WDR19: variants seen among roughly 807,000 people sequenced by gnomAD.
The protein encoded by WDR19 is WD repeat-containing protein 19.
WDR19 carries 121 observed loss-of-function variants against 180.0 expected under a neutral mutation model. That is an observed-to-expected ratio of 0.67 (90% CI 0.58 to 0.78). The LOEUF is 0.78. WDR19 is among the 30% of genes least tolerant of loss of function. WDR19 has a pLI of 0.00. For synonymous variants in WDR19, 497 were observed against 540.7 expected (o/e 0.92, Z 1.12); for missense variants, 1,450 against 1,640.7 (o/e 0.88, Z 2.01).
Position 39,245,407 on chromosome 4 carries a change from C to G in WDR19, c.2684C>G (p.Pro895Arg), listed in dbSNP as rs774529884. 1.9e-6 allele frequency: 3 copies of G among 1,613,740 alleles called. No homozygotes were observed. In the South Asian group the frequency reaches 3.3e-5, roughly 18 times the overall value. Reference protein sequence around the residue: ...VGDLLPHVSSPKIHLQYAKAK... With the variant: ...VGDLLPHVSSRKIHLQYAKAK... ...GATCTTCTGCCCCACGTTTCTTCTC[C>G]TAAGATCCATTTGCAGTATGCCAAA... Residue 895 changes from proline to arginine, a missense_variant, in exon 24 of 37, where the codon CCT becomes CGT. Physicochemically the swap from Pro to Arg is moderately radical, Grantham distance 103. Coordinates refer to ENST00000399820, the MANE Select transcript of WDR19 (RefSeq NM_025132.4).
intron 25 of WDR19, among the ~76,000 whole-genome samples, 177 bp downstream of exon 25, chr4:39,253,469 A>C (rs1733449077): frequency 6.6e-6 from 1 of 152,160 alleles, no homozygotes; most frequent in Admixed American, 6.6e-5. Context: ...ATGTCTTTCA[A>C]GTGTAAGCAT....
At chr4:39,188,581 C>T (rs1486695435) in intron 3 of WDR19, among the ~76,000 whole-genome samples, 3 of 147,154 alleles carry the variant, frequency 2.0e-5, no homozygotes, top group Non-Finnish European at 4.5e-5. Context: ...ATCGCACCAC[C>T]GCACTCCAGC....
intron 2 of WDR19, among the ~76,000 whole-genome samples, chr4:39,186,305 C>T (rs1181944728): frequency 1.3e-5 from 2 of 151,704 alleles, no homozygotes; most frequent in African/African-American, 2.4e-5. Flanking sequence ...CATGGTGAAA[C>T]GCCATCTCTA....
chr4:39,276,911 A>G (rs1364743014), intron 33 of WDR19, 109 bp from the exon 34 acceptor site: 8 of 1,359,486 alleles, frequency 5.9e-6, no homozygotes, highest in Admixed American at 1.8e-5. Context: ...GAGTCTGACT[A>G]TGAAGTAGGT....
Position 39,218,063 on chromosome 4 carries a change from A to T in WDR19, c.1437A>T (p.Leu479Phe). 2 of 1,613,984 alleles carry T rather than the reference A, an allele frequency of 1.2e-6. No homozygotes were observed. Among genetic ancestry groups the T allele is most frequent in the South Asian group, 1.1e-5 (1 of 91,082 alleles). The change falls in exon 14 of 37, where the codon TTA (leucine) becomes TTT (phenylalanine). Residue 479 changes from leucine to phenylalanine, a missense_variant. Transcript: ENST00000399820. ...FPAVDDKCRILCHALTSDFLI... is the reference protein window; with the variant it reads ...FPAVDDKCRIFCHALTSDFLI... ...CAGTGGATGATAAGTGCCGTATCTTATGCCATGCCTTAACTAGTGATTTCC... is the reference window on the plus strand; with the variant it reads ...CAGTGGATGATAAGTGCCGTATCTTTTGCCATGCCTTAACTAGTGATTTCC...
At chr4:39,256,377 T>A (rs1733763078) in intron 27 of WDR19, among the ~76,000 whole-genome samples, 1 of 152,176 alleles carries the variant, frequency 6.6e-6, no homozygotes, top group South Asian at 2.1e-4. Context: ...ACATCATAAG[T>A]GAAGCTATGG....
At chr4:39,265,142 C>T (rs1486604236) in intron 28 of WDR19, among the ~76,000 whole-genome samples, 2 of 151,872 alleles carry the variant, frequency 1.3e-5, no homozygotes, top group African/African-American at 4.8e-5. Flanking sequence ...TGGTCTTGAA[C>T]TCCTGGCCTC....
chr4:39,277,354 A>G (rs1736000506), intron 34 of WDR19, among the ~76,000 whole-genome samples: 1 of 152,204 alleles, frequency 6.6e-6, no homozygotes, highest in Admixed American at 6.5e-5. Flanking sequence ...TGCAGGACCA[A>G]ATAGCACAGA....
chr4:39,251,937 G>A (rs1001519001), intron 24 of WDR19, among the ~76,000 whole-genome samples: 2 of 152,174 alleles, frequency 1.3e-5, no homozygotes, highest in African/African-American at 4.8e-5. Flanking sequence ...AATCATTGTG[G>A]AAGTCGGTGT....
intron 21 of WDR19, among the ~76,000 whole-genome samples, chr4:39,243,575 A>G (rs1236811555): frequency 6.6e-6 from 1 of 152,334 alleles, no homozygotes; most frequent in Non-Finnish European, 1.5e-5. Context: ...CAAATACAGT[A>G]AGCACTAGCC....
At chr4:39,206,376 A>G (rs1727953052) in intron 9 of WDR19, among the ~76,000 whole-genome samples, 2 of 152,218 alleles carry the variant, frequency 1.3e-5, no homozygotes, top group African/African-American at 4.8e-5. Flanking sequence ...AAGGACCCAC[A>G]GGCACCTAAA....
chr4:39,253,015 AAGGAAAAAGAAGTTC>A (rs1258083385), intron 24 of WDR19, 116 bp from the exon 25 acceptor site: 1 of 844,900 alleles, frequency 1.2e-6, no homozygotes, highest in Non-Finnish European at 1.7e-6. Flanking sequence ...TTTTCTGATA[AAGGAAAAAGAAGTTC>A]AGGAAAAATA....
At chr4:39,185,928 C>A in intron 2 of WDR19, 111 bp downstream of exon 2, 1 of 927,866 alleles carries the variant, frequency 1.1e-6, no homozygotes, top group Non-Finnish European at 1.6e-6. Flanking sequence ...TGGAGTCTAG[C>A]TTTGTTGCCC....
intron 24 of WDR19, among the ~76,000 whole-genome samples, chr4:39,246,812 G>A (rs1017443936): frequency 4.2e-4 from 64 of 152,316 alleles, no homozygotes; most frequent in African/African-American, 1.4e-3. Flanking sequence ...GTGGACGGGC[G>A]CCCGCCATTG....
At chr4:39,261,441 T>C (rs1734285899) in intron 28 of WDR19, among the ~76,000 whole-genome samples, 1 of 152,202 alleles carries the variant, frequency 6.6e-6, no homozygotes, top group South Asian at 2.1e-4. Flanking sequence ...TCCAATCTTT[T>C]GACTTCCCTA....
rs747325768 is a variant in WDR19 at position 39,205,719 on chromosome 4, T to C, written c.873T>C (p.Ala291=). The change falls in exon 9 of 37, where the codon GCT becomes GCC. Residue 291 remains alanine, a synonymous_variant. Transcript: ENST00000399820. ...TATCACAGACTCTTAACAAAGTTGCTACATGTGGAGATAACTGGTAAGTTA... is the reference window on the plus strand; with the variant it reads ...TATCACAGACTCTTAACAAAGTTGCCACATGTGGAGATAACTGGTAAGTTA... ...IAVSQTLNKV[A]TCGDNCIKIQ... 2 of 1,604,390 alleles carry C rather than the reference T, an allele frequency of 1.2e-6. No homozygotes were observed. Among genetic ancestry groups the C allele is most frequent in the Non-Finnish European group, 1.7e-6 (2 of 1,174,962 alleles).
chr4:39,182,677 AAGAG>A (rs148579854), intron 1 of WDR19, 114 bp downstream of exon 1: 611 of 1,391,478 alleles, frequency 4.4e-4, no homozygotes, highest in Admixed American at 1.0e-3. Context: ...GGAAATGAGG[AAGAG>A]AGAGAGAGAG....
chr4:39,224,628 C>A (rs1031120436), intron 14 of WDR19, among the ~76,000 whole-genome samples: 1 of 152,122 alleles, frequency 6.6e-6, no homozygotes, highest in African/African-American at 2.4e-5. Flanking sequence ...GAATTCCTTA[C>A]CTTGTGATCC....
At chr4:39,226,461 C>T (rs1346186246) in intron 15 of WDR19, among the ~76,000 whole-genome samples, 1 of 152,146 alleles carries the variant, frequency 6.6e-6, no homozygotes. Context: ...ACATAATAAG[C>T]ACTAAATCTT....
Sources: allele counts gnomAD v4.1 joint callset (sites outside exome capture counted in the v4.1 genomes callset), GRCh38; gene constraint gnomAD v4.1.1; transcripts MANE v1.5; gene names NCBI Gene and HGNC (gene_info 2026-07-23, HGNC 2026-07-21).